The following PRDM15 variants were observed in gnomAD, a reference collection of about 807,000 sequenced individuals.
PRDM15 encodes PR domain zinc finger protein 15.
In PRDM15, 64 loss-of-function variants were observed where a neutral mutation model predicts 128.6. The ratio of observed to expected loss-of-function variants is 0.50; its 90% CI spans 0.41 to 0.61. PRDM15 has a LOEUF of 0.61. Ranked by LOEUF, PRDM15 falls within the 20% of genes least tolerant of loss-of-function variation. PRDM15 has a pLI of 0.00. For missense variants in PRDM15, 1,242 were observed against 1,569.1 expected (o/e 0.79, Z 3.52); for synonymous variants, 615 against 621.8 (o/e 0.99, Z 0.16).
At chr21:41,829,055 CACACACACCAT>C (rs1330517227) in intron 11 of PRDM15, among the ~76,000 whole-genome samples, 5 of 149,862 alleles carry the variant, frequency 3.3e-5, no homozygotes, top group African/African-American at 1.2e-4. Context: ...AATGCACAAT[CACACACACCAT>C]ACACACACCA....
chr21:41,862,068 G>A lies in PRDM15; in HGVS notation c.-9-1696C>T. ...TCTGGGATGGGGGCTCAGCTGGGCA[G>A]TGAGCAGGAGATGAACAGGACAAAG... On this transcript the variant is annotated intron_variant, in intron 1 of 23. Transcript: ENST00000398548. The surrounding 1 kb of genome is among the most constrained non-coding windows in gnomAD (Gnocchi z 4.1). 8.2e-7 allele frequency: 1 copy of A among 1,213,456 alleles called. No individual in the cohort carries two copies. Among genetic ancestry groups the A allele is most frequent in the Non-Finnish European group, 1.2e-6 (1 of 828,172 alleles). 75.2% of individuals were successfully genotyped at this position (1,213,456 alleles called of 1,614,324 possible).
At position 41,821,084 on chromosome 21, in the gene PRDM15, C is replaced by T. The variant is rs760332191; in HGVS notation, c.2043G>A (p.Pro681=). 1.4e-5 allele frequency: 23 copies of T among 1,614,200 alleles called. No homozygotes were observed. Among genetic ancestry groups the T allele is most frequent in the Admixed American group, 3.3e-5 (2 of 60,022 alleles). The part of the protein sequence containing the change: ...AHMVIHRENL[P]DPNVQKYIHP... ...GGCCTCACTTCTGCACGTTGGGGTC[C>T]GGCAGGTTTTCACGGTGGATGACCA... The change falls in exon 16 of 24, where the codon CCG becomes CCA. Residue 681 remains proline, a synonymous_variant. Coordinates refer to ENST00000398548, the MANE Select transcript of PRDM15 (RefSeq NM_001040424.3). The surrounding 1 kb of genome is among the most constrained non-coding windows in gnomAD (Gnocchi z 5.4).
At chr21:41,870,318 T>C (rs1361854005) in intron 1 of PRDM15, among the ~76,000 whole-genome samples, 1 of 152,196 alleles carries the variant, frequency 6.6e-6, no homozygotes, top group Non-Finnish European at 1.5e-5. Context: ...GTGTGTATTT[T>C]ACCCTTTCAG....
chr21:41,805,851 T>A (rs111313088), intron 21 of PRDM15, among the ~76,000 whole-genome samples: 214 of 108,282 alleles, frequency 2.0e-3, no homozygotes, highest in Non-Finnish European at 3.4e-3. Context: ...CACAACCACC[T>A]CCATCACCAT....
chr21:41,815,872 C>A (rs755652470), intron 18 of PRDM15, 36 bp from the exon 19 acceptor site: 6 of 1,606,464 alleles, frequency 3.7e-6, no homozygotes, highest in Non-Finnish European at 5.1e-6. Flanking sequence ...CGGCCACACC[C>A]CCACGCAGCC....
intron 22 of PRDM15, 66 bp from the exon 23 acceptor site, chr21:41,802,987 GCCCC>G: frequency 7.9e-6 from 10 of 1,271,922 alleles, no homozygotes; most frequent in Non-Finnish European, 1.1e-5. Context: ...GGCCAGGGCA[GCCCC>G]AGCACTGCCC....
chr21:41,847,053 A>T, intron 6 of PRDM15, 37 bp downstream of exon 6: 1 of 1,343,998 alleles, frequency 7.4e-7, no homozygotes, highest in Non-Finnish European at 1.0e-6. Context: ...TCGACACAGG[A>T]GTTTTACAAC....
chr21:41,863,039 C>T (rs573213264), intron 1 of PRDM15, among the ~76,000 whole-genome samples: 41 of 152,042 alleles, frequency 2.7e-4, no homozygotes, highest in African/African-American at 8.4e-4. Context: ...CGCGGTGGCA[C>T]GTGCCTGTAA....
At position 41,865,082 on chromosome 21, in the gene PRDM15, T is replaced by C. The variant is rs1363554993; in HGVS notation, c.-9-4710A>G. On this transcript the variant is annotated intron_variant, in intron 1 of 23. Transcript: ENST00000398548. Reference sequence around the variant, plus strand: ...CCCTCTCTGCAAGTTCCCACTCCCCTGCTCACTCCTCACTCCCCAGCCCTC... The same window carrying C: ...CCCTCTCTGCAAGTTCCCACTCCCCCGCTCACTCCTCACTCCCCAGCCCTC... Among the ~76,000 whole-genome samples, 4 of 126,300 alleles carry C rather than the reference T, an allele frequency of 3.2e-5. No homozygotes were observed. In the Admixed American group the frequency reaches 3.2e-4, roughly 10 times the overall value. 82.9% of individuals were successfully genotyped at this position (126,300 alleles called of 152,430 possible).
intron 11 of PRDM15, among the ~76,000 whole-genome samples, chr21:41,831,937 C>T (rs902395527): frequency 1.3e-5 from 2 of 152,222 alleles, no homozygotes; most frequent in Non-Finnish European, 2.9e-5. Context: ...TAACATACTG[C>T]TTGCCTTCCT....
rs1190416412 is a variant in PRDM15, at chr21:41,823,375, G to A, written c.1704C>T (p.Cys568=). Residue 568 remains cysteine, a synonymous_variant, in exon 14 of 24, where the codon TGC becomes TGT. Coordinates refer to ENST00000398548, the MANE Select transcript of PRDM15 (RefSeq NM_001040424.3). ...CATCCACGCGGAAGAACTTGCGCCC[G>A]CAGATCTCGCAGGTGTACTTCTTGT... ...HGDKKYTCEI[C]GRKFFRVDVL... 3.8e-6 allele frequency: 6 copies of A among 1,587,948 alleles called. No homozygotes were observed. Among genetic ancestry groups the A allele is most frequent in the South Asian group, 2.3e-5 (2 of 86,820 alleles).
In PRDM15 at chr21:41,825,736, A is replaced by C. The variant is rs558485839; in HGVS notation, c.1629+224T>G. ...GAGGAAAAGAGGCTGTCCAGGAAGA[A>C]TCCTTCTTTCTCAGCCCACTCACTG... is the stretch of plus-strand genomic sequence containing the variant. On this transcript the variant is annotated intron_variant, in intron 13 of 23. Coordinates refer to ENST00000398548, the MANE Select transcript of PRDM15 (RefSeq NM_001040424.3). 5.3e-5 allele frequency among the ~76,000 whole-genome samples: 8 copies of C among 152,306 alleles called. No individual in the cohort carries two copies. The East Asian group carries it at 1.5e-3, about 29-fold the overall frequency.
intron 14 of PRDM15, among the ~76,000 whole-genome samples, chr21:41,822,306 G>A (rs2062305957): frequency 1.3e-5 from 2 of 152,244 alleles, no homozygotes; most frequent in Admixed American, 1.3e-4. Flanking sequence ...TCTGTGCCCA[G>A]GGCCAGGCAC....
At chr21:41,818,625 G>A (rs181864464) in intron 18 of PRDM15, among the ~76,000 whole-genome samples, 3 of 152,222 alleles carry the variant, frequency 2.0e-5, no homozygotes, top group South Asian at 2.1e-4. Flanking sequence ...GACACGCAGC[G>A]TTATTCTACG....
chr21:41,847,027 G>GT (rs2063286839), intron 6 of PRDM15, 63 bp downstream of exon 6: 2 of 1,109,642 alleles, frequency 1.8e-6, no homozygotes, highest in East Asian at 2.6e-5. Flanking sequence ...AGGTGACAGC[G>GT]TAAGTCAGAG....
At chr21:41,808,619 G>C (rs1478026046) in intron 21 of PRDM15, among the ~76,000 whole-genome samples, 4 of 152,238 alleles carry the variant, frequency 2.6e-5, no homozygotes, top group Non-Finnish European at 4.4e-5. Flanking sequence ...AAGAACAAGA[G>C]AGAAATCACT....
rs1406052221 is a variant in PRDM15, at chr21:41,800,181, A to C, written c.*1059T>G. 4 of 152,382 alleles carry C rather than the reference A, an allele frequency of 2.6e-5. No homozygotes were observed. In the East Asian group the frequency reaches 7.7e-4, roughly 29 times the overall value. The allele number at this position is 152,382 out of a possible 1,614,324, so 9.4% of individuals were successfully genotyped here. A position where few individuals can be genotyped will look rare whatever the true frequency, so the allele number is the denominator to read the frequency against. ...TAGAAAACTGGTCATGAAATACACC[A>C]ACCTTTGGAATTGAAGTTTAAACAG... On this transcript the variant is annotated 3_prime_UTR_variant, in exon 24 of 24. Transcript: ENST00000398548.
In PRDM15 at chr21:41,878,791, C is replaced by G. The variant is rs908849937; in HGVS notation, c.-10+479G>C. 1.4e-5 allele frequency: 18 copies of G among 1,308,464 alleles called. No homozygotes were observed. The highest frequency in any genetic ancestry group is 1.6e-5 in the Non-Finnish European group (16 of 1,020,144). 81.1% of individuals were successfully genotyped at this position (1,308,464 alleles called of 1,614,324 possible). On this transcript the variant is annotated intron_variant, in intron 1 of 23. Coordinates refer to ENST00000398548, the MANE Select transcript of PRDM15 (RefSeq NM_001040424.3). ...CCGAGGGCGGGGGATAACGACATCC[C>G]CTGGGGCCTCGGCGACGACGCCGCC...
In PRDM15 at chr21:41,815,621, G is replaced by GGCGGCTCTCTCTTCTCCC; in HGVS notation, c.2392+66_2392+83dup. On this transcript the variant is annotated intron_variant, in intron 19 of 23. Coordinates refer to ENST00000398548, the MANE Select transcript of PRDM15 (RefSeq NM_001040424.3). Reference sequence around the variant, plus strand: ...GAATCACAAAGAGGAATCGTCTCAAGGCGGCTCTCTCTTCTCCCACGGCCC... The same window carrying GGCGGCTCTCTCTTCTCCC: ...GAATCACAAAGAGGAATCGTCTCAAGGCGGCTCTCTCTTCTCCCGCGGCTCTCTCTTCTCCCACGGCCC... 3 of 1,547,208 alleles carry GGCGGCTCTCTCTTCTCCC rather than the reference G, an allele frequency of 1.9e-6. No individual in the cohort carries two copies. The South Asian group carries it at 3.6e-5, about 18-fold the overall frequency.
Sources: allele counts gnomAD v4.1 joint callset (sites outside exome capture counted in the v4.1 genomes callset), GRCh38; gene constraint gnomAD v4.1.1; non-coding constraint Gnocchi (gnomAD v3.1); transcripts MANE v1.5; gene names NCBI Gene and HGNC (gene_info 2026-07-23, HGNC 2026-07-21).